PPIG: variants seen among roughly 807,000 people sequenced by gnomAD.
PPIG encodes the protein peptidylprolyl isomerase G, also known as peptidyl-prolyl cis-trans isomerase G.
A neutral mutation model predicts 87.9 loss-of-function variants in PPIG; 26 were observed. The ratio of observed to expected loss-of-function variants is 0.30; its 90% confidence interval spans 0.22 to 0.41. PPIG has a LOEUF of 0.41. Among genes scored for constraint, PPIG ranks in the 10% least tolerant of loss-of-function variants. The pLI is 1.00. For synonymous variants in PPIG, 308 were observed against 276.5 expected, an observed-to-expected ratio of 1.11 and a Z score of -1.13; for missense variants, 722 against 879.4, an observed-to-expected ratio of 0.82 and a Z score of 2.26.
chr2:169,625,576 G>C (rs1279212659), intron 9 of PPIG, among the ~76,000 whole-genome samples: 2 of 152,046 alleles, frequency 1.3e-5, no homozygotes, highest in African/African-American at 4.8e-5. Flanking sequence ...TGTGATGTTA[G>C]TGTCTCCTTA....
chr2:169,626,921 G>T (rs951505096), intron 9 of PPIG, among the ~76,000 whole-genome samples: 1 of 152,170 alleles, frequency 6.6e-6, no homozygotes, highest in East Asian at 1.9e-4. Context: ...TGTTGGCCAG[G>T]CTGGTCTCGA....
chr2:169,592,740 G>A (rs909590518), intron 1 of PPIG, among the ~76,000 whole-genome samples: 2 of 151,962 alleles, frequency 1.3e-5, no homozygotes, highest in Admixed American at 1.3e-4. Flanking sequence ...GTGATTTCAG[G>A]TATTATTTAA....
rs1215462114 is a variant in PPIG at position 169,638,140 on chromosome 2, T to C, written c.*617T>C. On this transcript the variant is annotated 3_prime_UTR_variant, in exon 14 of 14. Coordinates refer to ENST00000260970, the MANE Select transcript of PPIG (RefSeq NM_004792.3). ...TCCTATTAATGCTTTTCCTGTCTAG[T>C]TGTGTTTTACTTAACTGCCTATAAA... is the stretch of plus-strand genomic sequence containing the variant. 1 of 152,104 alleles carries C rather than the reference T, an allele frequency of 6.6e-6. No individual in the cohort carries two copies. The highest frequency in any genetic ancestry group is 1.9e-4 in the East Asian group (1 of 5,198). The allele number at this position is 152,104 out of a possible 1,614,324, so 9.4% of individuals were successfully genotyped here.
chr2:169,629,629 T>C (rs545790057), intron 9 of PPIG, among the ~76,000 whole-genome samples: 7 of 152,348 alleles, frequency 4.6e-5, no homozygotes, highest in Non-Finnish European at 7.3e-5. Context: ...TACTGTGTTA[T>C]GTAATGTTGA....
chr2:169,588,593 T>C (rs1684770085), intron 1 of PPIG, among the ~76,000 whole-genome samples: 1 of 152,198 alleles, frequency 6.6e-6, no homozygotes, highest in African/African-American at 2.4e-5. Context: ...TGTGTATATA[T>C]GTATATATCT....
chr2:169,585,991 G>C (rs1201632782), intron 1 of PPIG, among the ~76,000 whole-genome samples: 2 of 152,124 alleles, frequency 1.3e-5, no homozygotes, highest in African/African-American at 4.8e-5. Flanking sequence ...ATAAAATCCA[G>C]AAAAGATACA....
intron 1 of PPIG, among the ~76,000 whole-genome samples, chr2:169,596,401 G>A (rs1485326050): frequency 1.3e-5 from 2 of 151,890 alleles, no homozygotes; most frequent in Non-Finnish European, 2.9e-5. Flanking sequence ...CTTCGCACCC[G>A]GCCGAAAATT....
intron 1 of PPIG, among the ~76,000 whole-genome samples, chr2:169,585,649 G>C (rs910469873): frequency 6.6e-6 from 1 of 152,176 alleles, no homozygotes; most frequent in African/African-American, 2.4e-5. Flanking sequence ...GCACCATTTT[G>C]TGCATTGATT....
intron 1 of PPIG, among the ~76,000 whole-genome samples, chr2:169,603,098 T>C (rs1685228537): frequency 6.6e-6 from 1 of 152,194 alleles, no homozygotes; most frequent in African/African-American, 2.4e-5. Context: ...TAAAGAGTTT[T>C]GTCTTAGATA....
chr2:169,612,268 C>T (rs187953575), intron 7 of PPIG, among the ~76,000 whole-genome samples: 2 of 152,134 alleles, frequency 1.3e-5, no homozygotes, highest in African/African-American at 2.4e-5. Flanking sequence ...TTGCCTGTTC[C>T]GCATATTTTA....
At chr2:169,600,799 T>C (rs1316886666) in intron 1 of PPIG, among the ~76,000 whole-genome samples, 2 of 152,188 alleles carry the variant, frequency 1.3e-5, no homozygotes, top group Non-Finnish European at 2.9e-5. Context: ...CACCTATAAC[T>C]CATTTACTTA....
At chr2:169,629,415 GTTAA>G (rs1685979498) in intron 9 of PPIG, among the ~76,000 whole-genome samples, 1 of 152,140 alleles carries the variant, frequency 6.6e-6, no homozygotes, top group Non-Finnish European at 1.5e-5. Flanking sequence ...TTTCATTAAT[GTTAA>G]TTAATTTTTT....
intron 9 of PPIG, among the ~76,000 whole-genome samples, chr2:169,627,589 C>G (rs534609984): frequency 2.0e-5 from 3 of 151,558 alleles, no homozygotes; most frequent in African/African-American, 7.3e-5. Context: ...TGCAGTGGTG[C>G]GATCATGGCT....
rs1686210144 is a variant in PPIG, at chr2:169,637,367, C to T, written c.2109C>T (p.Ser703=). ...GCAGTCAGGACAATGAATTAAAGTC[C>T]TCCATGTTGAAAAATAAGGAGGATG... ...KQSSQDNELK[S]SMLKNKEDEK... is the part of the protein sequence containing the mutation. Residue 703 remains serine (S), a synonymous_variant, in exon 14 of 14, where the codon TCC becomes TCT. Coordinates refer to ENST00000260970, the MANE Select transcript of PPIG (RefSeq NM_004792.3). 2 of 1,611,686 alleles carry T rather than the reference C, an allele frequency of 1.2e-6. No homozygotes were observed. Among genetic ancestry groups the T allele is most frequent in the Non-Finnish European group, 1.7e-6 (2 of 1,179,560 alleles).
chr2:169,620,557 G>C (rs1187957241), intron 9 of PPIG, among the ~76,000 whole-genome samples: 1 of 152,100 alleles, frequency 6.6e-6, no homozygotes, highest in Non-Finnish European at 1.5e-5. Flanking sequence ...TGGAGGAAGA[G>C]ACTCTGGGGC....
intron 9 of PPIG, among the ~76,000 whole-genome samples, chr2:169,620,680 T>G (rs150417490): frequency 6.6e-6 from 1 of 152,306 alleles, no homozygotes; most frequent in East Asian, 1.9e-4. Flanking sequence ...AGAAACTTCT[T>G]TTATTTAGAC....
chr2:169,611,537 TAAGAA>T (rs1326172664), intron 7 of PPIG, among the ~76,000 whole-genome samples: 2 of 152,218 alleles, frequency 1.3e-5, no homozygotes, highest in African/African-American at 4.8e-5. Context: ...TTTTAATATT[TAAGAA>T]GTTTACTTAA....
At chr2:169,608,620 T>C in intron 6 of PPIG, 51 bp from the exon 7 acceptor site, 1 of 1,248,378 alleles carries the variant, frequency 8.0e-7, no homozygotes, top group Non-Finnish European at 1.2e-6. Flanking sequence ...AAGATGAAAT[T>C]TTTTTGGAGG....
chr2:169,637,283 TAAC>T lies in PPIG; in HGVS notation c.2027_2029del (p.Asn676del), dbSNP rs1686207043. On this transcript the variant is annotated inframe_deletion, in exon 14 of 14. Transcript: ENST00000260970. The stretch of plus-strand genomic sequence containing the variant: ...AAAGTCGTGATCATAATAGCTCAAA[TAAC>T]AGCAGGGAAAAAAAGGCTGATAGAG... 6.2e-7 allele frequency: 1 copy of T among 1,608,082 alleles called. No individual in the cohort carries two copies. The highest frequency in any genetic ancestry group is 2.2e-5 in the East Asian group (1 of 44,846).
Sources: gnomAD v4.1 joint callset for allele counts (sites outside exome capture counted in the v4.1 genomes callset) on GRCh38, gnomAD v4.1.1 for gene constraint, MANE v1.5 for transcripts, NCBI Gene and HGNC (gene_info 2026-07-23, HGNC 2026-07-21) for gene names.